FGD6: variants seen among roughly 807,000 people sequenced by gnomAD.
FGD6 encodes the protein FYVE, RhoGEF and PH domain-containing protein 6.
A neutral mutation model predicts 149.4 loss-of-function variants in FGD6; 90 were observed. That is an observed-to-expected ratio of 0.60 (90% confidence interval 0.51 to 0.72). The LOEUF (loss-of-function observed/expected upper bound fraction) is 0.72. FGD6 is among the 30% of genes least tolerant of loss of function. The pLI, the probability that FGD6 is intolerant of heterozygous loss-of-function variation, is 0.00. For synonymous variants in FGD6, 527 were observed against 584.0 expected (o/e 0.90, Z 1.41); for missense variants, 1,437 against 1,684.8 (o/e 0.85, Z 2.57).
At chr12:95,106,098 G>A (rs1383511817) in intron 13 of FGD6, among the ~76,000 whole-genome samples, 2 of 96,314 alleles carry the variant, frequency 2.1e-5, no homozygotes, top group African/African-American at 7.1e-5. Context: ...TTTATCTTAG[G>A]GAATTTTCTC....
chr12:95,180,471 G>A (rs989140893), intron 2 of FGD6, among the ~76,000 whole-genome samples: 1 of 149,220 alleles, frequency 6.7e-6, no homozygotes, highest in Non-Finnish European at 1.5e-5. Flanking sequence ...ACAGCTCACC[G>A]TAACTTCTGT....
At chr12:95,192,560 G>C (rs1354544735) in intron 2 of FGD6, among the ~76,000 whole-genome samples, 3 of 152,146 alleles carry the variant, frequency 2.0e-5, no homozygotes, top group African/African-American at 4.8e-5. Context: ...GGACAAGGCA[G>C]TGTAACAAAA....
At chr12:95,120,340 A>AT (rs1173897157) in intron 8 of FGD6, among the ~76,000 whole-genome samples, 1 of 151,608 alleles carries the variant, frequency 6.6e-6, no homozygotes, top group Non-Finnish European at 1.5e-5. Flanking sequence ...TTATTTATTT[A>AT]TTTTTTATTT....
Position 95,141,375 on chromosome 12 carries a change from G to A in FGD6, c.2837+13C>T, listed in dbSNP as rs187115395. The A allele has an allele frequency of 1.4e-5, 23 of 1,609,378 alleles. No individual in the cohort carries two copies. Among genetic ancestry groups the A allele is most frequent in the Admixed American group, 1.3e-4 (8 of 59,672 alleles). ...GGAAACACTAGGAAAATCTGAAAAC[G>A]GTCCATTTTTACCAGTGCAACATTC... On this transcript the variant is annotated intron_variant, in intron 6 of 20. Coordinates refer to ENST00000343958, the MANE Select transcript of FGD6 (RefSeq NM_018351.4).
At chr12:95,199,529 A>C (rs565836752) in intron 2 of FGD6, among the ~76,000 whole-genome samples, 1 of 152,262 alleles carries the variant, frequency 6.6e-6, no homozygotes, top group East Asian at 1.9e-4. Context: ...CTCCCCAGTA[A>C]GAAGGGCAGT....
At chr12:95,090,747 A>G (rs1247061726) in intron 17 of FGD6, among the ~76,000 whole-genome samples, 1 of 152,186 alleles carries the variant, frequency 6.6e-6, no homozygotes, top group Non-Finnish European at 1.5e-5. Context: ...CCACTTAGAA[A>G]TTCCTCCTTG....
chr12:95,189,482 GCAAA>G, intron 2 of FGD6: 1 of 151,964 alleles, frequency 6.6e-6, no homozygotes, highest in East Asian at 1.9e-4. Context: ...CCCCATCTCT[GCAAA>G]CAAATACAAA....
At chr12:95,186,521 G>GAAAA (rs57464025) in intron 2 of FGD6, among the ~76,000 whole-genome samples, 1 of 136,406 alleles carries the variant, frequency 7.3e-6, no homozygotes, top group Non-Finnish European at 1.6e-5. Context: ...CTTAAATCAT[G>GAAAA]AAAAAAAAAA....
At chr12:95,181,220 C>T (rs1881273716) in intron 2 of FGD6, among the ~76,000 whole-genome samples, 1 of 152,158 alleles carries the variant, frequency 6.6e-6, no homozygotes, top group Non-Finnish European at 1.5e-5. Context: ...CACAGAGTAA[C>T]CACACAACTT....
chr12:95,115,635 A>G (rs1407912360), intron 8 of FGD6, among the ~76,000 whole-genome samples: 2 of 152,170 alleles, frequency 1.3e-5, no homozygotes, highest in African/African-American at 4.8e-5. Flanking sequence ...TGAGGAAATG[A>G]AAGGAGGAAA....
intron 5 of FGD6, among the ~76,000 whole-genome samples, chr12:95,151,385 C>T (rs951403608): frequency 6.6e-6 from 1 of 152,156 alleles, no homozygotes; most frequent in African/African-American, 2.4e-5. Context: ...ATTCTCCTGC[C>T]TCAGCCTCCT....
intron 1 of FGD6, among the ~76,000 whole-genome samples, chr12:95,214,035 T>C (rs1443228770): frequency 1.3e-5 from 2 of 152,210 alleles, no homozygotes; most frequent in Non-Finnish European, 1.5e-5. Flanking sequence ...TGATAACTTC[T>C]GAGACACTCA....
intron 5 of FGD6, among the ~76,000 whole-genome samples, chr12:95,149,544 A>AAT (rs1313544666): frequency 7.2e-6 from 1 of 139,030 alleles, no homozygotes; most frequent in Non-Finnish European, 1.5e-5. Context: ...ATATATATAT[A>AAT]ATATATATAG....
chr12:95,201,273 C>T (rs1305972514), intron 2 of FGD6, among the ~76,000 whole-genome samples: 2 of 152,156 alleles, frequency 1.3e-5, no homozygotes, highest in African/African-American at 4.8e-5. Flanking sequence ...TCATCTCCAC[C>T]TCTTCATCCT....
Position 95,090,092 on chromosome 12 carries a change from G to A in FGD6, c.3851-396C>T, listed in dbSNP as rs180791817. 5.9e-3 allele frequency among the ~76,000 whole-genome samples: 896 copies of A among 152,158 alleles called. 41 individuals are homozygous for A. Among genetic ancestry groups the A allele is most frequent in the Non-Finnish European group, 7.5e-4 (51 of 68,000 alleles). ...CTTAAAAAAGGGGGCTATCGGACAC[G>A]GATGAAGAAGTAATGAATTCTGATT... On this transcript the variant is annotated intron_variant, in intron 17 of 20. Coordinates refer to ENST00000343958, the MANE Select transcript of FGD6 (RefSeq NM_018351.4).
intron 2 of FGD6, among the ~76,000 whole-genome samples, chr12:95,175,444 G>A (rs907859768): frequency 5.3e-5 from 8 of 152,056 alleles, no homozygotes; most frequent in African/African-American, 1.9e-4. Context: ...AGGGATGGAT[G>A]TAAGAGGAAG....
At chr12:95,199,995 T>C (rs1325558097) in intron 2 of FGD6, among the ~76,000 whole-genome samples, 2 of 152,182 alleles carry the variant, frequency 1.3e-5, no homozygotes, top group African/African-American at 4.8e-5. Flanking sequence ...TCCTTCTTTA[T>C]ACATTTTGTC....
intron 3 of FGD6, among the ~76,000 whole-genome samples, chr12:95,159,173 T>C (rs1014838588): frequency 6.6e-6 from 1 of 152,184 alleles, no homozygotes; most frequent in Non-Finnish European, 1.5e-5. Context: ...TTTTTATCAC[T>C]CTCCTTTTGT....
rs1263198383 is a variant in FGD6, at chr12:95,141,430, T to C, written c.2795A>G (p.Asn932Ser). 9 of 1,614,178 alleles carry C rather than the reference T, an allele frequency of 5.6e-6. No individual in the cohort carries two copies. The highest frequency in any genetic ancestry group is 3.3e-5 in the Admixed American group (2 of 60,020). ...LYYLPQLYEL[N>S]RDLLKELEER... is the part of the protein sequence containing the mutation. The stretch of plus-strand genomic sequence containing the variant: ...CTCCAGTTCCTTCAAGAGATCCCGG[T>C]TGAGCTCATACAGCTGAGGCAAGTA... Residue 932 changes from asparagine to serine, a missense_variant, in exon 6 of 21, where the codon AAC becomes AGC. By Grantham distance (46) the Asn-to-Ser change is conservative. Around this residue, in one of 2 missense-constraint regions of FGD6, gnomAD observed 1,055 missense variants for 1,146.0 expected, o/e 0.92. Coordinates refer to ENST00000343958, the MANE Select transcript of FGD6 (RefSeq NM_018351.4).
Sources: gnomAD v4.1 joint callset for allele counts (sites outside exome capture counted in the v4.1 genomes callset) on GRCh38, gnomAD v4.1.1 for gene constraint, gnomAD v4.1.1 regional missense constraint, MANE v1.5 for transcripts, NCBI Gene and HGNC (gene_info 2026-07-23, HGNC 2026-07-21) for gene names.